Variants in LARGE1 observed in about 807,000 individuals in gnomAD.
The protein encoded by LARGE1 is xylosyl- and glucuronyltransferase LARGE1.
Under a neutral mutation model 87.6 loss-of-function variants are expected in LARGE1, and 43 were observed. The ratio of observed to expected loss-of-function variants is 0.49; its 90% CI spans 0.38 to 0.63. The LOEUF (loss-of-function observed/expected upper bound fraction) is 0.63. LARGE1 is among the 30% of genes least tolerant of loss of function. LARGE1 has a pLI of 0.00. For synonymous variants in LARGE1, 434 were observed against 394.6 expected, an observed-to-expected ratio of 1.10 and a Z score of -1.18; for missense variants, 802 against 1,000.2, an observed-to-expected ratio of 0.80 and a Z score of 2.67.
chr22:33,454,199 G>A (rs1179292977), intron 6 of LARGE1, among the ~76,000 whole-genome samples: 1 of 151,898 alleles, frequency 6.6e-6, no homozygotes, highest in African/African-American at 2.4e-5. Flanking sequence ...TTTTCCAGGG[G>A]GTGCACGTAC....
intron 2 of LARGE1, chr22:33,657,279 T>C (rs1242183350): frequency 6.6e-6 from 1 of 152,226 alleles, no homozygotes; most frequent in Non-Finnish European, 1.5e-5. Flanking sequence ...CTAACCTTTA[T>C]ATGGCAAAAT....
chr22:33,104,309 C>T, the LARGE1 span, among the ~76,000 whole-genome samples: 1 of 152,138 alleles, frequency 6.6e-6, no homozygotes, highest in Admixed American at 6.5e-5. Flanking sequence ...AGAGTAAAGA[C>T]AGATAGGATA....
At chr22:33,672,643 G>A (rs2081450906) in intron 2 of LARGE1, among the ~76,000 whole-genome samples, 1 of 151,980 alleles carries the variant, frequency 6.6e-6, no homozygotes, top group Non-Finnish European at 1.5e-5. Context: ...GGAACAAAAA[G>A]TAATATTTTG....
chr22:33,427,518 C>A (rs2066920475), intron 7 of LARGE1, among the ~76,000 whole-genome samples: 1 of 152,080 alleles, frequency 6.6e-6, no homozygotes, highest in South Asian at 2.1e-4. Context: ...GGGGAAAAGT[C>A]TAGTTTATAA....
intron 1 of LARGE1, among the ~76,000 whole-genome samples, chr22:33,831,347 G>A (rs1301427932): frequency 3.9e-5 from 6 of 152,134 alleles, no homozygotes; most frequent in South Asian, 2.1e-4. Flanking sequence ...TTGCATGTGC[G>A]TGCATACATG....
At chr22:33,797,267 C>G (rs956259848) in intron 1 of LARGE1, among the ~76,000 whole-genome samples, 1 of 152,190 alleles carries the variant, frequency 6.6e-6, no homozygotes, top group Admixed American at 6.5e-5. Flanking sequence ...GCACCTCCTC[C>G]CTTCTCAGCT....
At chr22:33,455,506 A>G (rs1172748814) in intron 6 of LARGE1, among the ~76,000 whole-genome samples, 1 of 152,172 alleles carries the variant, frequency 6.6e-6, no homozygotes. Flanking sequence ...TAATCCCAGC[A>G]CTTTGGGAGG....
At chr22:33,663,049 G>GAA (rs61031985) in intron 2 of LARGE1, among the ~76,000 whole-genome samples, 5 of 151,006 alleles carry the variant, frequency 3.3e-5, no homozygotes, top group African/African-American at 1.2e-4. Flanking sequence ...GGAGGAAAAT[G>GAA]AAAAAAAAAA....
intron 10 of LARGE1, among the ~76,000 whole-genome samples, chr22:33,327,410 C>G (rs185489242): frequency 6.6e-6 from 1 of 152,248 alleles, no homozygotes; most frequent in East Asian, 1.9e-4. Flanking sequence ...GGAAAATACT[C>G]GTAACAATAA....
intron 1 of LARGE1, among the ~76,000 whole-genome samples, chr22:33,885,118 G>A (rs551548305): frequency 2.6e-5 from 4 of 152,296 alleles, no homozygotes; most frequent in East Asian, 1.9e-4. Context: ...AAGGCTCATC[G>A]GCTAAATAAT....
At chr22:33,734,928 C>A (rs921990024) in intron 2 of LARGE1, among the ~76,000 whole-genome samples, 15 of 152,236 alleles carry the variant, frequency 9.9e-5, no homozygotes, top group Non-Finnish European at 2.1e-4. Flanking sequence ...TTGGAAGGAA[C>A]CATAGAAGTC....
intron 1 of LARGE1, among the ~76,000 whole-genome samples, chr22:33,862,087 C>G (rs1370532464): frequency 6.6e-6 from 1 of 152,026 alleles, no homozygotes; most frequent in Non-Finnish European, 1.5e-5. Context: ...TCTTGAACTC[C>G]TGACCTCAAA....
intron 6 of LARGE1, among the ~76,000 whole-genome samples, chr22:33,444,872 T>C (rs1199071886): frequency 6.6e-6 from 1 of 151,356 alleles, no homozygotes; most frequent in African/African-American, 2.4e-5. Context: ...TTCTGTCACC[T>C]AGGCTGGAGT....
intron 1 of LARGE1, among the ~76,000 whole-genome samples, chr22:33,779,472 G>A (rs190679709): frequency 6.3e-4 from 96 of 152,224 alleles, no homozygotes; most frequent in Non-Finnish European, 1.1e-3. Context: ...AGTTCCTAGC[G>A]ACAGTTTGAT....
At chr22:33,086,656 T>G in the LARGE1 span, among the ~76,000 whole-genome samples, 5 of 150,272 alleles carry the variant, frequency 3.3e-5, no homozygotes, top group Non-Finnish European at 5.9e-5. Context: ...GGGTTCAAGC[T>G]ATTCTCCTGC....
At chr22:33,097,456 C>T in the LARGE1 span, among the ~76,000 whole-genome samples, 3 of 152,186 alleles carry the variant, frequency 2.0e-5, no homozygotes, top group Non-Finnish European at 4.4e-5. Context: ...GTAAGGTGCA[C>T]ATCCAACACC....
At chr22:33,329,793 T>C in intron 10 of LARGE1, among the ~76,000 whole-genome samples, 1 of 152,160 alleles carries the variant, frequency 6.6e-6, no homozygotes, top group Non-Finnish European at 1.5e-5. Flanking sequence ...TTTTTGCATT[T>C]AAAAAGATGA....
chr22:33,680,415 T>A (rs1026775445), intron 2 of LARGE1, among the ~76,000 whole-genome samples: 1 of 149,892 alleles, frequency 6.7e-6, no homozygotes, highest in African/African-American at 2.4e-5. Context: ...AGAGCAGATC[T>A]CACTCTATCC....
chr22:33,394,299 A>G (rs2065642727), intron 7 of LARGE1, among the ~76,000 whole-genome samples: 1 of 151,654 alleles, frequency 6.6e-6, no homozygotes, highest in Non-Finnish European at 1.5e-5. Context: ...CCCAGGTTCA[A>G]GTGATTCTTC....
Sources: allele counts gnomAD v4.1 joint callset (sites outside exome capture counted in the v4.1 genomes callset), GRCh38; gene constraint gnomAD v4.1.1; transcripts MANE v1.5; gene names NCBI Gene and HGNC (gene_info 2026-07-23, HGNC 2026-07-21).